Variants in TXNRD1 observed in about 807,000 individuals in gnomAD.
TXNRD1 encodes thioredoxin reductase 1, cytoplasmic.
TXNRD1 carries 57 observed loss-of-function variants against 80.3 expected under a neutral mutation model. The ratio of observed to expected loss-of-function variants is 0.71; its 90% CI spans 0.57 to 0.89. TXNRD1 has a LOEUF of 0.89. Ranked by LOEUF, TXNRD1 falls within the 40% of genes least tolerant of loss-of-function variation. The pLI is 0.00. For missense variants in TXNRD1, 730 were observed against 803.0 expected (o/e 0.91, Z 1.10); for synonymous variants, 291 against 285.2 (o/e 1.02, Z -0.20).
chr12:104,324,990 G>A (rs933161834), intron 10 of TXNRD1, among the ~76,000 whole-genome samples: 1 of 152,124 alleles, frequency 6.6e-6, no homozygotes, highest in African/African-American at 2.4e-5. Flanking sequence ...AATGATTCTG[G>A]GTGAATCACA....
chr12:104,279,527 A>G (rs907443456), intron 3 of TXNRD1, among the ~76,000 whole-genome samples: 2 of 152,156 alleles, frequency 1.3e-5, no homozygotes, highest in African/African-American at 2.4e-5. Context: ...AGGACCACAA[A>G]GGGCCTTGTA....
At chr12:104,252,662 T>TTATA (rs869105935) in intron 2 of TXNRD1, among the ~76,000 whole-genome samples, 27 of 45,812 alleles carry the variant, frequency 5.9e-4, no homozygotes, top group South Asian at 1.8e-3. Flanking sequence ...TTATTATTTT[T>TTATA]TATATATATA....
At chr12:104,276,371 C>A (rs953846257) in intron 3 of TXNRD1, among the ~76,000 whole-genome samples, 3 of 152,186 alleles carry the variant, frequency 2.0e-5, no homozygotes, top group Admixed American at 2.0e-4. Flanking sequence ...TTGTACCTGA[C>A]GACTTGAGCC....
intron 4 of TXNRD1, among the ~76,000 whole-genome samples, chr12:104,306,892 C>T (rs2034938277): frequency 6.6e-6 from 1 of 152,110 alleles, no homozygotes; most frequent in Non-Finnish European, 1.5e-5. Flanking sequence ...GCAAAAAGAT[C>T]CCGCCCCAGT....
intron 4 of TXNRD1, among the ~76,000 whole-genome samples, chr12:104,295,759 A>T (rs1306688573): frequency 6.6e-6 from 1 of 152,104 alleles, no homozygotes; most frequent in Non-Finnish European, 1.5e-5. Flanking sequence ...CAATCCCATA[A>T]GTCTTTATTT....
chr12:104,313,364 C>T (rs1335533020), intron 6 of TXNRD1, 47 bp downstream of exon 6: 4 of 1,439,044 alleles, frequency 2.8e-6, no homozygotes, highest in African/African-American at 2.9e-5. Context: ...AAGTAGTTTT[C>T]CCCTGGCAAT....
intron 16 of TXNRD1, among the ~76,000 whole-genome samples, chr12:104,343,009 G>A (rs548852708): frequency 4.1e-4 from 63 of 152,280 alleles, no homozygotes; most frequent in African/African-American, 1.5e-3. Flanking sequence ...AAGAGGGAGA[G>A]CTGAAGACCA....
At chr12:104,304,445 G>T in intron 4 of TXNRD1, 1 of 1,613,990 alleles carries the variant, frequency 6.2e-7, no homozygotes, top group Non-Finnish European at 8.5e-7. Flanking sequence ...ATTCCATTTT[G>T]TTTTTGGTTC....
chr12:104,329,803 GCAACTTGAAAC>G (rs2035889525), intron 13 of TXNRD1, among the ~76,000 whole-genome samples: 1 of 152,086 alleles, frequency 6.6e-6, no homozygotes, highest in African/African-American at 2.4e-5. Flanking sequence ...TTTCTGCCTT[GCAACTTGAAAC>G]CACCTTGGCT....
chr12:104,229,598 ATTTAT>A (rs1209486014), intron 1 of TXNRD1, among the ~76,000 whole-genome samples: 19 of 134,998 alleles, frequency 1.4e-4, no homozygotes, highest in African/African-American at 4.8e-4. Context: ...ATTTTATTTT[ATTTAT>A]TTTTTTTGAG....
intron 3 of TXNRD1, among the ~76,000 whole-genome samples, chr12:104,273,304 A>G (rs2033692464): frequency 6.6e-6 from 1 of 152,140 alleles, no homozygotes; most frequent in South Asian, 2.1e-4. Flanking sequence ...CATTAACAAG[A>G]ATGCTCGGGC....
At chr12:104,319,833 A>G (rs953764400) in intron 9 of TXNRD1, among the ~76,000 whole-genome samples, 1 of 152,274 alleles carries the variant, frequency 6.6e-6, no homozygotes, top group African/African-American at 2.4e-5. Flanking sequence ...ACATACTAGT[A>G]TAGATTTACA....
At chr12:104,282,043 T>G (rs998379757) in intron 3 of TXNRD1, among the ~76,000 whole-genome samples, 1 of 152,184 alleles carries the variant, frequency 6.6e-6, no homozygotes, top group African/African-American at 2.4e-5. Context: ...AAATTAAAAT[T>G]TTTTATTTGG....
intron 1 of TXNRD1, among the ~76,000 whole-genome samples, chr12:104,236,501 A>G (rs908275059): frequency 6.6e-6 from 1 of 152,124 alleles, no homozygotes; most frequent in Non-Finnish European, 1.5e-5. Context: ...ACTGAGCTTA[A>G]TTAAAAGTTC....
At chr12:104,289,607 T>C (rs1418976158) in intron 4 of TXNRD1, 1 of 152,596 alleles carries the variant, frequency 6.6e-6, no homozygotes, top group Non-Finnish European at 1.5e-5. Context: ...TCCCTTTGGC[T>C]GGTAGCAAAC....
At chr12:104,311,258 A>C (rs748738280) in intron 4 of TXNRD1, 32 bp from the exon 5 acceptor site, 6 of 1,532,314 alleles carry the variant, frequency 3.9e-6, no homozygotes, top group Non-Finnish European at 5.3e-6. Context: ...ATTTTAAGTT[A>C]AATTATTTTC....
intron 4 of TXNRD1, among the ~76,000 whole-genome samples, chr12:104,290,324 G>A (rs2034136273): frequency 6.6e-6 from 1 of 152,076 alleles, no homozygotes; most frequent in Non-Finnish European, 1.5e-5. Flanking sequence ...GAGGCTTTTA[G>A]CTTTAGTTAA....
intron 4 of TXNRD1, among the ~76,000 whole-genome samples, chr12:104,306,398 A>G (rs970228882): frequency 4.6e-5 from 7 of 152,342 alleles, no homozygotes; most frequent in African/African-American, 1.2e-4. Context: ...CAGTAAGCAT[A>G]CCCATAAGCT....
chr12:104,265,791 T>G (rs1255476273), intron 3 of TXNRD1: 1 of 1,568,566 alleles, frequency 6.4e-7, no homozygotes, highest in Admixed American at 1.7e-5. Flanking sequence ...TCCTGCGCCG[T>G]CAGCACAAGC....
Sources: gnomAD v4.1 joint callset for allele counts (sites outside exome capture counted in the v4.1 genomes callset) on GRCh38, gnomAD v4.1.1 for gene constraint, MANE v1.5 for transcripts, NCBI Gene and HGNC (gene_info 2026-07-23, HGNC 2026-07-21) for gene names.